The following SLC9B1 variants were observed in gnomAD, a reference collection of about 807,000 sequenced individuals.
SLC9B1 encodes the protein sodium/hydrogen exchanger 9B1.
SLC9B1 carries 32 observed loss-of-function variants against 51.7 expected under a neutral mutation model. The ratio of observed to expected loss-of-function variants is 0.62; its 90% CI spans 0.47 to 0.83. The LOEUF is 0.83. Among genes scored for constraint, SLC9B1 ranks in the 40% least tolerant of loss-of-function variants. The pLI is 0.00. For missense variants in SLC9B1, 406 were observed against 613.2 expected, an observed-to-expected ratio of 0.66 and a Z score of 3.57; for synonymous variants, 145 against 212.7, an observed-to-expected ratio of 0.68 and a Z score of 2.77.
chr4:103,007,216 C>T (rs1357085272), intron 1 of SLC9B1, among the ~76,000 whole-genome samples: 1 of 152,064 alleles, frequency 6.6e-6, no homozygotes, highest in Non-Finnish European at 1.5e-5. Flanking sequence ...GATTCTACAC[C>T]TAGAAAACCC....
At chr4:102,964,513 A>T (rs1294979288) in intron 3 of SLC9B1, among the ~76,000 whole-genome samples, 1 of 152,208 alleles carries the variant, frequency 6.6e-6, no homozygotes, top group East Asian at 1.9e-4. Context: ...GCTATATACC[A>T]ATATCCCTTA....
intron 7 of SLC9B1, among the ~76,000 whole-genome samples, chr4:102,921,224 C>A (rs1168649867): frequency 1.3e-5 from 2 of 152,144 alleles, no homozygotes; most frequent in Non-Finnish European, 2.9e-5. Flanking sequence ...CAGCAGAAAC[C>A]CTGCAAGCCA....
chr4:102,964,424 T>C (rs1379811845), intron 3 of SLC9B1, among the ~76,000 whole-genome samples: 1 of 152,144 alleles, frequency 6.6e-6, no homozygotes, highest in Admixed American at 6.5e-5. Context: ...GGAAGGAAAC[T>C]TCCCAATGAA....
At chr4:102,896,571 C>T (rs1229382289), downstream of SLC9B1, among the ~76,000 whole-genome samples, 1 of 152,158 alleles carries the variant, frequency 6.6e-6, no homozygotes, top group Non-Finnish European at 1.5e-5. Context: ...CGAGGCTCCA[C>T]CCCGTAATCC....
intron 1 of SLC9B1, among the ~76,000 whole-genome samples, chr4:103,001,314 T>C (rs1015389926): frequency 6.6e-6 from 1 of 152,216 alleles, no homozygotes. Context: ...TTCTCCTCAT[T>C]ACTTACGCAA....
At chr4:102,995,719 G>A (rs1247985281) in intron 1 of SLC9B1, among the ~76,000 whole-genome samples, 4 of 152,090 alleles carry the variant, frequency 2.6e-5, no homozygotes, top group African/African-American at 9.7e-5. Context: ...AGAAAGAAAT[G>A]TATTCAACTC....
intron 7 of SLC9B1, among the ~76,000 whole-genome samples, chr4:102,929,793 A>T (rs1391681705): frequency 6.6e-6 from 1 of 152,240 alleles, no homozygotes; most frequent in Non-Finnish European, 1.5e-5. Context: ...AAGTGTTGGG[A>T]TTATAGGCGT....
At chr4:102,904,977 C>T (rs1734955001) in intron 11 of SLC9B1, among the ~76,000 whole-genome samples, 1 of 115,328 alleles carries the variant, frequency 8.7e-6, no homozygotes, top group South Asian at 2.7e-4. Context: ...GAGTGAGACT[C>T]TGTCTCAAAA....
intron 6 of SLC9B1, among the ~76,000 whole-genome samples, chr4:102,944,089 T>C (rs112528284): frequency 2.0e-5 from 3 of 152,024 alleles, no homozygotes; most frequent in South Asian, 2.1e-4. Context: ...GCAACGTGGA[T>C]GGAGTTGAGG....
intron 3 of SLC9B1, among the ~76,000 whole-genome samples, chr4:102,977,205 T>C (rs148590585): frequency 2.7e-5 from 4 of 145,964 alleles, no homozygotes; most frequent in African/African-American, 1.0e-4. Context: ...ATAGGGCTTA[T>C]AAACAAACTG....
chr4:102,971,020 C>T (rs1578390908), intron 3 of SLC9B1, among the ~76,000 whole-genome samples: 1 of 152,230 alleles, frequency 6.6e-6, no homozygotes, highest in Non-Finnish European at 1.5e-5. Flanking sequence ...GAGACCTAGA[C>T]ATCCACACAA....
At chr4:102,913,948 T>C (rs957484001) in intron 7 of SLC9B1, among the ~76,000 whole-genome samples, 29 of 152,256 alleles carry the variant, frequency 1.9e-4, no homozygotes, top group South Asian at 8.3e-4. Flanking sequence ...AGAGCTGATT[T>C]ATCAAGACAG....
At position 103,008,797 on chromosome 4, in the gene SLC9B1, CTTTTTT is replaced by C. The variant is rs34403441; in HGVS notation, c.-2+10796_-2+10801del. Among the ~76,000 whole-genome samples, 4 of 99,494 alleles carry C rather than the reference CTTTTTT, an allele frequency of 4.0e-5. No homozygotes were observed. The South Asian group carries it at 9.4e-4, about 23-fold the overall frequency. 65.3% of individuals were successfully genotyped at this position (99,494 alleles called of 152,430 possible). Reference sequence around the variant, plus strand: ...GATGATCTAAGGGCTTTAACAGTTTCTTTTTTTTTTTTTTTTTTTTGAGACGGAGTC... The same window carrying C: ...GATGATCTAAGGGCTTTAACAGTTTCTTTTTTTTTTTTTTGAGACGGAGTC... On this transcript the variant is annotated intron_variant, in intron 1 of 11. Transcript: ENST00000296422.
At chr4:102,927,606 A>G (rs1265327424) in intron 7 of SLC9B1, among the ~76,000 whole-genome samples, 1 of 152,202 alleles carries the variant, frequency 6.6e-6, no homozygotes, top group Admixed American at 6.5e-5. Context: ...GAGAAATAGG[A>G]ACACTTTTAC....
intron 7 of SLC9B1, among the ~76,000 whole-genome samples, chr4:102,920,331 G>A (rs973328292): frequency 6.6e-6 from 1 of 152,150 alleles, no homozygotes; most frequent in Non-Finnish European, 1.5e-5. Context: ...CTGTTAGAAG[G>A]AAAACTAACA....
intron 7 of SLC9B1, among the ~76,000 whole-genome samples, chr4:102,927,585 G>T (rs907038327): frequency 2.0e-5 from 3 of 152,204 alleles, no homozygotes; most frequent in African/African-American, 7.2e-5. Flanking sequence ...ACAGATGCTG[G>T]AGAGCATATG....
chr4:102,977,472 T>TG (rs1739138071), intron 3 of SLC9B1, among the ~76,000 whole-genome samples: 1 of 152,206 alleles, frequency 6.6e-6, no homozygotes, highest in Non-Finnish European at 1.5e-5. Context: ...GTAGATATTT[T>TG]GTTTTAGCTC....
chr4:102,927,144 A>T (rs986339209), intron 7 of SLC9B1, among the ~76,000 whole-genome samples: 1 of 152,172 alleles, frequency 6.6e-6, no homozygotes, highest in African/African-American at 2.4e-5. Context: ...AACCATAAAA[A>T]CCCTAGAAGA....
chr4:102,943,263 G>A (rs1737096039), intron 6 of SLC9B1, among the ~76,000 whole-genome samples: 1 of 151,942 alleles, frequency 6.6e-6, no homozygotes, highest in Admixed American at 6.6e-5. Flanking sequence ...ATGGAAAAGA[G>A]TATGAAGATT....
Sources: allele counts gnomAD v4.1 joint callset (sites outside exome capture counted in the v4.1 genomes callset), GRCh38; gene constraint gnomAD v4.1.1; transcripts MANE v1.5; gene names NCBI Gene and HGNC (gene_info 2026-07-23, HGNC 2026-07-21).